Variants in CRACD observed in about 807,000 individuals in gnomAD.
The protein encoded by CRACD is capping protein inhibiting regulator of actin dynamics, also known as capping protein-inhibiting regulator of actin dynamics.
CRACD carries 56 observed loss-of-function variants against 106.8 expected under a neutral mutation model. That is an observed-to-expected ratio of 0.52 (90% CI 0.42 to 0.66). The LOEUF (loss-of-function observed/expected upper bound fraction) is 0.66, where lower values mean the gene tolerates loss of function less well. Ranked by LOEUF, CRACD falls within the 30% of genes least tolerant of loss-of-function variation. The pLI, the probability that CRACD is intolerant of heterozygous loss-of-function variation, is 0.00. For missense variants in CRACD, 1,730 were observed against 1,623.2 expected, an observed-to-expected ratio of 1.07 and a Z score of -1.13; for synonymous variants, 754 against 670.8, an observed-to-expected ratio of 1.12 and a Z score of -1.92.
chr4:56,143,153 T>G (rs544162951), intron 1 of CRACD, among the ~76,000 whole-genome samples: 75 of 151,068 alleles, frequency 5.0e-4, no homozygotes, highest in Middle Eastern at 6.8e-3. Context: ...GTAATCTCTG[T>G]TTTTTTTTGT....
intron 2 of CRACD, among the ~76,000 whole-genome samples, chr4:56,198,361 T>G (rs1442408908): frequency 6.6e-6 from 1 of 152,220 alleles, no homozygotes; most frequent in Non-Finnish European, 1.5e-5. Flanking sequence ...AAGTTGGCTC[T>G]AGCATTCATC....
chr4:56,138,389 G>A (rs1735078463), intron 1 of CRACD, among the ~76,000 whole-genome samples: 2 of 152,044 alleles, frequency 1.3e-5, no homozygotes, highest in African/African-American at 4.8e-5. Flanking sequence ...GCTTGAACTT[G>A]GGAGGCGGAA....
chr4:56,118,941 A>G (rs1734389977), intron 1 of CRACD, among the ~76,000 whole-genome samples: 1 of 152,214 alleles, frequency 6.6e-6, no homozygotes, highest in Admixed American at 6.5e-5. Flanking sequence ...ACTTACATCA[A>G]CAAAATACTC....
intron 2 of CRACD, among the ~76,000 whole-genome samples, chr4:56,207,650 A>G (rs1036288390): frequency 1.3e-5 from 2 of 151,390 alleles, no homozygotes; most frequent in Middle Eastern, 3.5e-3. Flanking sequence ...TTTCAGGTCT[A>G]TTCATAGAGG....
intron 2 of CRACD, among the ~76,000 whole-genome samples, chr4:56,216,959 C>A (rs1738723730): frequency 2.1e-5 from 3 of 142,838 alleles, no homozygotes; most frequent in Middle Eastern, 3.6e-3. Context: ...CGCAGTCCGG[C>A]CTGGGCGACA....
chr4:56,242,520 A>T (rs1287824152), intron 2 of CRACD, among the ~76,000 whole-genome samples: 1 of 152,144 alleles, frequency 6.6e-6, no homozygotes, highest in African/African-American at 2.4e-5. Flanking sequence ...GGATTTATGA[A>T]GACTGAACAG....
chr4:56,113,843 T>C (rs1018163017), intron 1 of CRACD, among the ~76,000 whole-genome samples: 2 of 152,150 alleles, frequency 1.3e-5, no homozygotes, highest in East Asian at 3.9e-4. Flanking sequence ...TTCTTTTCCT[T>C]GGACTGATCA....
In CRACD at chr4:56,327,596, G is replaced by C. The variant is rs6826795; in HGVS notation, c.3542-48G>C. The C allele has an allele frequency of 1.9e-6, 3 of 1,544,904 alleles. No homozygotes were observed. The Admixed American group carries it at 5.8e-5, about 30-fold the overall frequency. ...CTGTTAATTAAAAAGAAAATTTGTA[G>C]TGTGGCTGTGAACTTACTTTTTCCT... On this transcript the variant is annotated intron_variant, in intron 10 of 10. Coordinates refer to ENST00000682029, the MANE Select transcript of CRACD (RefSeq NM_001393381.1).
chr4:56,074,462 T>A (rs373686493), intron 1 of CRACD, among the ~76,000 whole-genome samples: 1 of 152,198 alleles, frequency 6.6e-6, no homozygotes, highest in African/African-American at 2.4e-5. Context: ...TGAATGGGAG[T>A]TCACTCATAA....
chr4:56,222,637 C>T (rs1345140197), intron 2 of CRACD, among the ~76,000 whole-genome samples: 1 of 151,980 alleles, frequency 6.6e-6, no homozygotes, highest in Admixed American at 6.6e-5. Flanking sequence ...CTGGGAATAT[C>T]TTACCTGTTT....
chr4:56,191,808 C>G (rs1364220647), intron 2 of CRACD, among the ~76,000 whole-genome samples: 4 of 152,226 alleles, frequency 2.6e-5, no homozygotes, highest in African/African-American at 9.7e-5. Context: ...CTGTGATACA[C>G]AGCCATGGAT....
At chr4:56,144,660 C>CT (rs59754348) in intron 1 of CRACD, among the ~76,000 whole-genome samples, 45,370 of 143,264 alleles carry the variant, frequency 0.32, 7,318 homozygotes, top group South Asian at 0.43. Flanking sequence ...CTTTCTTCTT[C>CT]TTTTTTTTTT....
chr4:56,323,973 C>A, intron 9 of CRACD, 131 bp from the exon 10 acceptor site: 2 of 981,846 alleles, frequency 2.0e-6, no homozygotes, highest in Non-Finnish European at 3.0e-6. Context: ...ATGGCTCATA[C>A]ATGTAATCCA....
intron 2 of CRACD, among the ~76,000 whole-genome samples, chr4:56,198,533 T>A (rs1737730587): frequency 1.3e-5 from 2 of 152,216 alleles, no homozygotes. Context: ...AACTACTTAG[T>A]ACTTGTGAAG....
At chr4:56,234,226 G>GA (rs1386708439) in intron 2 of CRACD, among the ~76,000 whole-genome samples, 3 of 152,102 alleles carry the variant, frequency 2.0e-5, no homozygotes, top group African/African-American at 7.2e-5. Context: ...GAAACAAACT[G>GA]ATACTCAGTA....
chr4:56,194,274 G>T (rs1046542280), intron 2 of CRACD, among the ~76,000 whole-genome samples: 2 of 152,134 alleles, frequency 1.3e-5, no homozygotes, highest in Non-Finnish European at 2.9e-5. Flanking sequence ...ACCATTCACA[G>T]CAATATGACA....
intron 1 of CRACD, among the ~76,000 whole-genome samples, chr4:56,110,507 GC>G (rs1734084568): frequency 6.6e-6 from 1 of 152,188 alleles, no homozygotes; most frequent in African/African-American, 2.4e-5. Flanking sequence ...TTAGACTAGA[GC>G]AGGGTAGTCC....
chr4:56,157,960 C>T (rs1735818323), intron 1 of CRACD, among the ~76,000 whole-genome samples: 2 of 152,290 alleles, frequency 1.3e-5, no homozygotes, highest in South Asian at 2.1e-4. Context: ...TTTCTACTCT[C>T]ATTTAAAATA....
intron 2 of CRACD, among the ~76,000 whole-genome samples, chr4:56,243,490 A>T (rs1021645174): frequency 6.6e-6 from 1 of 152,160 alleles, no homozygotes; most frequent in Non-Finnish European, 1.5e-5. Context: ...TTTTGTAGCA[A>T]CTTAGTCTAT....
Sources: gnomAD v4.1 joint callset for allele counts (sites outside exome capture counted in the v4.1 genomes callset) on GRCh38, gnomAD v4.1.1 for gene constraint, MANE v1.5 for transcripts, NCBI Gene and HGNC (gene_info 2026-07-23, HGNC 2026-07-21) for gene names.